Variants in CAV1 observed in about 807,000 individuals in gnomAD.
CAV1 encodes caveolin-1.
In CAV1, 10 loss-of-function variants were observed where a neutral mutation model predicts 16.5. The observed-to-expected ratio is 0.61, with a 90% CI of 0.37 to 1.03. CAV1 has a LOEUF of 1.03. CAV1 is among the 50% of genes least tolerant of loss of function. The probability of loss-of-function intolerance (pLI) is 0.01; values close to 1 mark genes in which losing one functional copy is unlikely to be tolerated. For missense variants in CAV1, 212 were observed against 232.8 expected, an observed-to-expected ratio of 0.91 and a Z score of 0.58; for synonymous variants, 76 against 85.1, an observed-to-expected ratio of 0.89 and a Z score of 0.59.
chr7:116,542,693 C>T (rs1421968150), intron 2 of CAV1: 1 of 152,206 alleles, frequency 6.6e-6, no homozygotes, highest in Admixed American at 6.5e-5. Context: ...GCACAAATCT[C>T]ATATCACTTA....
chr7:116,556,911 T>C (rs1209979470), intron 2 of CAV1, among the ~76,000 whole-genome samples: 2 of 152,194 alleles, frequency 1.3e-5, no homozygotes, highest in African/African-American at 4.8e-5. Flanking sequence ...CAAAGACATC[T>C]TTAAAAAATA....
At chr7:116,528,022 T>TAA (rs3839825) in intron 2 of CAV1, among the ~76,000 whole-genome samples, 3 of 151,010 alleles carry the variant, frequency 2.0e-5, no homozygotes, top group Admixed American at 6.6e-5. Flanking sequence ...ATAGAATTGC[T>TAA]AAAAAACTAT....
intron 2 of CAV1, among the ~76,000 whole-genome samples, chr7:116,555,504 G>GA (rs1326783011): frequency 0.022 from 134 of 6,022 alleles, 11 homozygotes; most frequent in East Asian, 0.061. Flanking sequence ...AAGAAAGAAA[G>GA]AAAGAAAGAA....
In CAV1 at chr7:116,525,348, G is replaced by A. The variant is rs767841093; in HGVS notation, c.30+256G>A. 19 of 1,544,144 alleles carry A rather than the reference G, an allele frequency of 1.2e-5. No individual in the cohort carries two copies. The African/African-American group carries it at 2.1e-4, about 17-fold the overall frequency. ...GGAGGACACGGAAAAGGGGATTGGG[G>A]TCCTGAGATTGGGTCTGTTGGGCCC... is the stretch of plus-strand genomic sequence containing the variant. On this transcript the variant is annotated intron_variant, in intron 1 of 2. Coordinates refer to ENST00000341049, the MANE Select transcript of CAV1 (RefSeq NM_001753.5).
At chr7:116,529,867 A>G (rs1199341825) in intron 2 of CAV1, among the ~76,000 whole-genome samples, 1 of 152,214 alleles carries the variant, frequency 6.6e-6, no homozygotes, top group Non-Finnish European at 1.5e-5. Context: ...AGTGGTCACA[A>G]ACTCAAACCC....
intron 2 of CAV1, among the ~76,000 whole-genome samples, chr7:116,531,274 C>T (rs1305941533): frequency 6.6e-6 from 1 of 152,184 alleles, no homozygotes; most frequent in Non-Finnish European, 1.5e-5. Flanking sequence ...ATTCTGTTAG[C>T]ACTGAGACAA....
chr7:116,545,606 C>A (rs945440019), intron 2 of CAV1, among the ~76,000 whole-genome samples: 6 of 152,142 alleles, frequency 3.9e-5, no homozygotes, highest in Admixed American at 2.0e-4. Flanking sequence ...CTATTAGTAA[C>A]CCTAGTTTAA....
chr7:116,541,061 C>T (rs1793926655), intron 2 of CAV1, among the ~76,000 whole-genome samples: 1 of 152,142 alleles, frequency 6.6e-6, no homozygotes, highest in African/African-American at 2.4e-5. Context: ...GAAAATTAAG[C>T]ATCTAAATAA....
Position 116,526,577 on chromosome 7 carries a change from A to G in CAV1, c.83A>G (p.Asn28Ser). The G allele has an allele frequency of 6.2e-7, 1 of 1,614,182 alleles. No homozygotes were observed. Among genetic ancestry groups the G allele is most frequent in the Non-Finnish European group, 8.5e-7 (1 of 1,180,052 alleles). Reference sequence around the variant, plus strand: ...GAACAGGGCAACATCTACAAGCCCAACAACAAGGCCATGGCAGACGAGCTG... The same window carrying G: ...GAACAGGGCAACATCTACAAGCCCAGCAACAAGGCCATGGCAGACGAGCTG... ...IREQGNIYKP[N>S]NKAMADELSE... The change falls in exon 2 of 3, where the codon AAC (asparagine) becomes AGC (serine). Residue 28 changes from asparagine to serine, a missense_variant. Physicochemically the swap from Asn to Ser is conservative, Grantham distance 46. Coordinates refer to ENST00000341049, the MANE Select transcript of CAV1 (RefSeq NM_001753.5).
intron 2 of CAV1, among the ~76,000 whole-genome samples, chr7:116,530,640 A>T (rs1282387445): frequency 6.6e-6 from 1 of 152,194 alleles, no homozygotes; most frequent in East Asian, 1.9e-4. Flanking sequence ...ACAGGAAGGC[A>T]TTCTAAACGA....
At chr7:116,557,874 C>T (rs901372150) in intron 2 of CAV1, among the ~76,000 whole-genome samples, 1 of 152,088 alleles carries the variant, frequency 6.6e-6, no homozygotes, top group African/African-American at 2.4e-5. Flanking sequence ...GGCTACACTC[C>T]CCTGCTCCCA....
At chr7:116,525,648 A>G in intron 1 of CAV1, 1 of 1,081,112 alleles carries the variant, frequency 9.2e-7, no homozygotes, top group Non-Finnish European at 1.1e-6. Flanking sequence ...AGAGAGGTAG[A>G]CCTCCCCTCC....
chr7:116,525,518 C>G (rs1169538687), intron 1 of CAV1: 2 of 1,234,950 alleles, frequency 1.6e-6, no homozygotes, highest in African/African-American at 3.1e-5. Context: ...CCGGGACTCT[C>G]CGCCAGGCGC....
At chr7:116,556,825 A>G (rs1421970091) in intron 2 of CAV1, among the ~76,000 whole-genome samples, 1 of 152,162 alleles carries the variant, frequency 6.6e-6, no homozygotes, top group Non-Finnish European at 1.5e-5. Flanking sequence ...ATGGATGACC[A>G]TTGCCCATCT....
At chr7:116,541,427 A>G (rs910922767) in intron 2 of CAV1, among the ~76,000 whole-genome samples, 3 of 152,190 alleles carry the variant, frequency 2.0e-5, no homozygotes, top group Admixed American at 2.0e-4. Context: ...ATAATAGGAA[A>G]GGCTAGCACA....
chr7:116,540,495 G>A (rs1404594933), intron 2 of CAV1, among the ~76,000 whole-genome samples: 1 of 152,194 alleles, frequency 6.6e-6, no homozygotes, highest in Non-Finnish European at 1.5e-5. Flanking sequence ...GAACTAGGAA[G>A]TAGCCATCAA....
chr7:116,526,418 C>T (rs1032486628), intron 1 of CAV1, 107 bp from the exon 2 acceptor site: 2 of 1,575,182 alleles, frequency 1.3e-6, no homozygotes, highest in East Asian at 2.3e-5. Context: ...CGAGGTTTCC[C>T]CCGCCGCCAG....
At chr7:116,555,037 G>A (rs113982123) in intron 2 of CAV1, among the ~76,000 whole-genome samples, 1,768 of 152,250 alleles carry the variant, frequency 0.012, 32 homozygotes, top group African/African-American at 0.04. Context: ...GGTTTGTGGT[G>A]AAGATTATTA....
In CAV1 at chr7:116,559,204, G is replaced by C; in HGVS notation, c.454G>C (p.Val152Leu). ...QCISRVYSIY[V>L]HTVCDPLFEA... ...CATCAGCCGTGTCTATTCCATCTACGTCCACACCGTCTGTGACCCACTCTT... is the reference window on the plus strand; with the variant it reads ...CATCAGCCGTGTCTATTCCATCTACCTCCACACCGTCTGTGACCCACTCTT... Residue 152 changes from valine (V) to leucine (L), a missense_variant, in exon 3 of 3, where the codon GTC becomes CTC. By Grantham distance (32) the Val-to-Leu change is conservative. Coordinates refer to ENST00000341049, the MANE Select transcript of CAV1 (RefSeq NM_001753.5). The C allele has an allele frequency of 6.2e-7, 1 of 1,613,878 alleles. No individual in the cohort carries two copies. The highest frequency in any genetic ancestry group is 8.5e-7 in the Non-Finnish European group (1 of 1,179,892).
Sources: allele counts gnomAD v4.1 joint callset (sites outside exome capture counted in the v4.1 genomes callset), GRCh38; gene constraint gnomAD v4.1.1; transcripts MANE v1.5; gene names NCBI Gene and HGNC (gene_info 2026-07-23, HGNC 2026-07-21).